Variants in PTPRG observed in about 807,000 individuals in gnomAD.
PTPRG encodes the protein protein tyrosine phosphatase receptor type G, also known as receptor-type tyrosine-protein phosphatase gamma.
Under a neutral mutation model 165.3 loss-of-function variants are expected in PTPRG, and 102 were observed. The ratio of observed to expected loss-of-function variants is 0.62; its 90% CI spans 0.53 to 0.73. The LOEUF (loss-of-function observed/expected upper bound fraction) is 0.73, where lower values mean the gene tolerates loss of function less well. Among genes scored for constraint, PTPRG ranks in the 30% least tolerant of loss-of-function variants. The pLI, the probability that PTPRG is intolerant of heterozygous loss-of-function variation, is 0.00. For missense variants in PTPRG, 1,866 were observed against 1,861.4 expected, an observed-to-expected ratio of 1.00 and a Z score of -0.05; for synonymous variants, 675 against 669.5, an observed-to-expected ratio of 1.01 and a Z score of -0.13.
At chr3:61,937,371 A>G (rs2039506077) in intron 2 of PTPRG, among the ~76,000 whole-genome samples, 1 of 152,192 alleles carries the variant, frequency 6.6e-6, no homozygotes, top group East Asian at 1.9e-4. Flanking sequence ...AGCTTGTGCA[A>G]GGTTCCTCGT....
intron 12 of PTPRG, among the ~76,000 whole-genome samples, chr3:62,206,598 G>T (rs1051690796): frequency 6.6e-6 from 1 of 152,044 alleles, no homozygotes; most frequent in Non-Finnish European, 1.5e-5. Context: ...ATTGTCTGTG[G>T]ACATTAAAGC....
At chr3:62,215,900 T>C (rs1425612118) in intron 12 of PTPRG, among the ~76,000 whole-genome samples, 1 of 151,976 alleles carries the variant, frequency 6.6e-6, no homozygotes, top group Non-Finnish European at 1.5e-5. Flanking sequence ...AATTCTGGAG[T>C]GGTCACTTTT....
intron 8 of PTPRG, among the ~76,000 whole-genome samples, chr3:62,186,655 T>G (rs1363477740): frequency 6.7e-6 from 1 of 148,314 alleles, no homozygotes; most frequent in Non-Finnish European, 1.5e-5. Flanking sequence ...CAACCTTCAC[T>G]TCTTGGGTTA....
intron 1 of PTPRG, among the ~76,000 whole-genome samples, chr3:61,728,939 G>A (rs567616790): frequency 3.8e-4 from 58 of 151,776 alleles, no homozygotes; most frequent in Non-Finnish European, 6.8e-4. Context: ...GCATGTTCCT[G>A]TAGTCCTGGT....
chr3:61,611,556 G>C (rs2106873877), intron 1 of PTPRG, among the ~76,000 whole-genome samples: 1 of 152,302 alleles, frequency 6.6e-6, no homozygotes, highest in African/African-American at 2.4e-5. Context: ...TCTTGCATTA[G>C]TAAGTACATT....
intron 2 of PTPRG, among the ~76,000 whole-genome samples, chr3:61,950,880 C>T (rs888151620): frequency 2.6e-5 from 4 of 152,128 alleles, no homozygotes; most frequent in Admixed American, 1.3e-4. Context: ...ATTTGAAGAA[C>T]GGGATTTCTG....
At chr3:62,108,974 A>T (rs56716260) in intron 5 of PTPRG, among the ~76,000 whole-genome samples, 109,545 of 151,546 alleles carry the variant, frequency 0.72, 39,871 homozygotes, top group Middle Eastern at 0.8. Context: ...GAATTGCAGA[A>T]TTTCTCCAAT....
intron 28 of PTPRG, among the ~76,000 whole-genome samples, chr3:62,288,162 CT>C (rs1702743066): frequency 6.7e-6 from 1 of 149,586 alleles, no homozygotes; most frequent in Admixed American, 6.6e-5. Flanking sequence ...AAAAAACAGC[CT>C]GTGTAAACTC....
rs1258297289 is a variant in PTPRG, at chr3:61,600,192, ATGTGTGTG to A, written c.85+37838_85+37845del. On this transcript the variant is annotated intron_variant, in intron 1 of 29. Transcript: ENST00000474889. ...AAAAAAAATATATATATATATATAT[ATGTGTGTG>A]TGTGTGTGTGTGTGTGTAAAATAGA... Among the ~76,000 whole-genome samples, 11 of 106,638 alleles carry A rather than the reference ATGTGTGTG, an allele frequency of 1.0e-4. 1 individual carries two copies. The South Asian group carries it at 2.1e-3, about 21-fold the overall frequency. The allele number at this position is 106,638 out of a possible 152,430, so 70.0% of individuals were successfully genotyped here.
At chr3:61,777,179 A>G (rs550678613) in intron 2 of PTPRG, among the ~76,000 whole-genome samples, 1 of 152,360 alleles carries the variant, frequency 6.6e-6, no homozygotes, top group Admixed American at 6.5e-5. Flanking sequence ...TTAAAGATCC[A>G]TACAAGTGCT....
intron 4 of PTPRG, among the ~76,000 whole-genome samples, chr3:62,069,391 C>A (rs1448189324): frequency 3.3e-5 from 5 of 152,102 alleles, no homozygotes; most frequent in African/African-American, 1.2e-4. Flanking sequence ...TTTCTGTAAG[C>A]TGTAAGAGTG....
intron 2 of PTPRG, among the ~76,000 whole-genome samples, chr3:61,928,835 A>C (rs920988363): frequency 1.4e-4 from 21 of 152,236 alleles, no homozygotes; most frequent in African/African-American, 4.8e-4. Context: ...ATGTAATAAA[A>C]TATTTCACTA....
intron 1 of PTPRG, among the ~76,000 whole-genome samples, chr3:61,591,356 T>G (rs1220544336): frequency 6.6e-6 from 1 of 152,188 alleles, no homozygotes; most frequent in Non-Finnish European, 1.5e-5. Context: ...TGGATGCTAT[T>G]TGTTTTTCTT....
At chr3:61,911,651 C>T (rs1363715763) in intron 2 of PTPRG, among the ~76,000 whole-genome samples, 1 of 151,786 alleles carries the variant, frequency 6.6e-6, no homozygotes, top group Non-Finnish European at 1.5e-5. Context: ...TGATTGTTTC[C>T]CCATTTTGAA....
chr3:61,681,848 T>G (rs1431625369), intron 1 of PTPRG, among the ~76,000 whole-genome samples: 2 of 151,936 alleles, frequency 1.3e-5, no homozygotes, highest in Non-Finnish European at 2.9e-5. Context: ...ATTTTCTTGA[T>G]GACTGAAAAG....
At chr3:61,851,717 T>C (rs2036970155) in intron 2 of PTPRG, among the ~76,000 whole-genome samples, 1 of 152,196 alleles carries the variant, frequency 6.6e-6, no homozygotes, top group Admixed American at 6.5e-5. Context: ...TATTAGACTT[T>C]TCTTGATGGG....
intron 2 of PTPRG, among the ~76,000 whole-genome samples, chr3:61,896,114 T>A (rs2038348570): frequency 6.6e-6 from 1 of 152,178 alleles, no homozygotes. Context: ...TTTTGTCATT[T>A]GCGTAGGTTC....
At chr3:62,019,479 TGCCACTGTACTCCA>T (rs147476147) in intron 4 of PTPRG, among the ~76,000 whole-genome samples, 10,442 of 145,786 alleles carry the variant, frequency 0.072, 517 homozygotes, top group African/African-American at 0.14. Context: ...GCTGAGATTG[TGCCACTGTACTCCA>T]GCCTGGGTGA....
At chr3:62,072,030 A>T (rs982886621) in intron 4 of PTPRG, among the ~76,000 whole-genome samples, 3 of 152,236 alleles carry the variant, frequency 2.0e-5, no homozygotes, top group Non-Finnish European at 4.4e-5. Flanking sequence ...CACATGTAGG[A>T]AACCAGACAT....
Sources: gnomAD v4.1 joint callset for allele counts (sites outside exome capture counted in the v4.1 genomes callset) on GRCh38, gnomAD v4.1.1 for gene constraint, MANE v1.5 for transcripts, NCBI Gene and HGNC (gene_info 2026-07-23, HGNC 2026-07-21) for gene names.